GRID1: variants seen among roughly 807,000 people sequenced by gnomAD.
GRID1 encodes glutamate receptor ionotropic, delta-1.
In GRID1, 28 loss-of-function variants were observed where a neutral mutation model predicts 98.0. That is an observed-to-expected ratio of 0.29 (90% CI 0.21 to 0.39). The LOEUF is 0.39. GRID1 is among the 10% of genes least tolerant of loss of function. The pLI is 1.00. For missense variants in GRID1, 1,111 were observed against 1,340.5 expected (o/e 0.83, Z 2.67); for synonymous variants, 553 against 538.5 (o/e 1.03, Z -0.37).
At chr10:85,662,143 A>G (rs1488451539) in intron 12 of GRID1, among the ~76,000 whole-genome samples, 1 of 152,218 alleles carries the variant, frequency 6.6e-6, no homozygotes, top group East Asian at 1.9e-4. Context: ...AGAGTCACTC[A>G]GCAGATGTTG....
At chr10:85,964,671 C>A (rs1842314267) in intron 4 of GRID1, among the ~76,000 whole-genome samples, 1 of 152,060 alleles carries the variant, frequency 6.6e-6, no homozygotes, top group African/African-American at 2.4e-5. Context: ...AATATTAGAC[C>A]TAAAACCATA....
chr10:85,609,742 A>T (rs559390714), intron 15 of GRID1, among the ~76,000 whole-genome samples: 1 of 152,012 alleles, frequency 6.6e-6, no homozygotes, highest in Admixed American at 6.5e-5. Flanking sequence ...AGAATTCCAA[A>T]CTCTGAGCCC....
At chr10:85,747,136 G>A (rs142935268) in intron 8 of GRID1, among the ~76,000 whole-genome samples, 5 of 152,158 alleles carry the variant, frequency 3.3e-5, no homozygotes, top group East Asian at 1.9e-4. Context: ...GGCTCAGAAC[G>A]GTTAGGTGAT....
At chr10:85,745,718 A>C (rs939154626) in intron 8 of GRID1, among the ~76,000 whole-genome samples, 3 of 140,104 alleles carry the variant, frequency 2.1e-5, no homozygotes, top group Non-Finnish European at 4.6e-5. Context: ...AACTTAAAGT[A>C]TAATTAAAAA....
intron 2 of GRID1, among the ~76,000 whole-genome samples, chr10:86,333,722 A>T (rs1287686771): frequency 6.6e-6 from 1 of 152,252 alleles, no homozygotes; most frequent in Non-Finnish European, 1.5e-5. Context: ...ACAATAAACT[A>T]GAGAAAAGAA....
intron 4 of GRID1, among the ~76,000 whole-genome samples, chr10:86,044,952 C>T (rs1843401189): frequency 6.6e-6 from 1 of 152,204 alleles, no homozygotes. Flanking sequence ...AAACTCATTG[C>T]ATATTCATTC....
At chr10:86,099,333 A>G (rs1844262314) in intron 4 of GRID1, among the ~76,000 whole-genome samples, 2 of 152,222 alleles carry the variant, frequency 1.3e-5, no homozygotes, top group Admixed American at 1.3e-4. Context: ...ACACATGCAG[A>G]TGCTGTTGGG....
At chr10:85,711,450 G>A (rs1316487048) in intron 12 of GRID1, among the ~76,000 whole-genome samples, 6 of 151,890 alleles carry the variant, frequency 4.0e-5, no homozygotes, top group Non-Finnish European at 8.9e-5. Context: ...ACAGAAAATA[G>A]AATGGTGGTT....
At chr10:86,235,323 G>A (rs1223006760) in intron 2 of GRID1, among the ~76,000 whole-genome samples, 1 of 152,204 alleles carries the variant, frequency 6.6e-6, no homozygotes, top group Non-Finnish European at 1.5e-5. Flanking sequence ...CCTGGAGAAG[G>A]CTGGTCTTGC....
intron 2 of GRID1, among the ~76,000 whole-genome samples, chr10:86,272,237 C>T (rs915777790): frequency 1.3e-5 from 2 of 152,192 alleles, no homozygotes; most frequent in Non-Finnish European, 2.9e-5. Flanking sequence ...AAGTTCTAAT[C>T]TTCCTACAGA....
intron 4 of GRID1, among the ~76,000 whole-genome samples, chr10:86,078,757 C>A (rs1365756949): frequency 6.6e-6 from 1 of 152,224 alleles, no homozygotes; most frequent in East Asian, 1.9e-4. Context: ...TGTCTGGCCC[C>A]AGCCTTCTCC....
At chr10:85,958,045 C>T (rs1241493479) in intron 4 of GRID1, among the ~76,000 whole-genome samples, 2 of 152,200 alleles carry the variant, frequency 1.3e-5, no homozygotes, top group Non-Finnish European at 2.9e-5. Context: ...ATGGCAAAAC[C>T]CAGCAAGTGG....
In GRID1 at chr10:86,084,794, T is replaced by C. The variant is rs148719938; in HGVS notation, c.726+54025A>G. ...AAGCCGCTCACAACAGAATACTGTA[T>C]GATCTCACTTACATGAGTTATGTAG... is the stretch of plus-strand genomic sequence containing the variant. On this transcript the variant is annotated intron_variant, in intron 4 of 15. Coordinates refer to ENST00000327946, the MANE Select transcript of GRID1 (RefSeq NM_017551.3). Among the ~76,000 whole-genome samples, 139 of 152,266 alleles carry C rather than the reference T, an allele frequency of 9.1e-4. 1 individual carries two copies. The highest frequency in any genetic ancestry group is 2.8e-3 in the African/African-American group (117 of 41,548).
intron 15 of GRID1, among the ~76,000 whole-genome samples, chr10:85,610,002 T>C (rs568672234): frequency 1.3e-5 from 2 of 152,326 alleles, no homozygotes; most frequent in Admixed American, 1.3e-4. Context: ...AGCACATTAC[T>C]ACTCTTCTTC....
chr10:85,755,725 G>T (rs552384097), intron 8 of GRID1, among the ~76,000 whole-genome samples: 1 of 152,138 alleles, frequency 6.6e-6, no homozygotes, highest in Non-Finnish European at 1.5e-5. Context: ...GGGGCCATAA[G>T]CACACGTGTT....
At position 85,613,106 on chromosome 10, in the gene GRID1, G is replaced by T; in HGVS notation, c.2601+301C>A. On this transcript the variant is annotated intron_variant, in intron 15 of 15. Coordinates refer to ENST00000327946, the MANE Select transcript of GRID1 (RefSeq NM_017551.3). ...GGTGGAGGCACATGGGCGGGGCAGG[G>T]TAGGGAAGGGCTCTCTGGCGCTGCC... The T allele has an allele frequency of 7.5e-6, 3 of 397,964 alleles. No individual in the cohort carries two copies. In the East Asian group the frequency reaches 1.4e-4, roughly 19 times the overall value. The allele number at this position is 397,964 out of a possible 1,614,324, so 24.7% of individuals were successfully genotyped here.
chr10:86,204,686 C>A (rs1380183346), intron 3 of GRID1, among the ~76,000 whole-genome samples: 1 of 152,202 alleles, frequency 6.6e-6, no homozygotes, highest in Non-Finnish European at 1.5e-5. Context: ...GCTGAGGCTC[C>A]CATCAAGGTC....
chr10:86,116,705 C>T (rs76565968), intron 4 of GRID1, among the ~76,000 whole-genome samples: 4 of 152,144 alleles, frequency 2.6e-5, no homozygotes, highest in East Asian at 3.9e-4. Context: ...CAAATGCCCC[C>T]CACCACCACC....
chr10:86,339,291 G>A (rs1848275692), intron 2 of GRID1, among the ~76,000 whole-genome samples: 1 of 152,206 alleles, frequency 6.6e-6, no homozygotes, highest in East Asian at 1.9e-4. Flanking sequence ...GGAGGAGGAG[G>A]TATGGGGTGA....
Sources: allele counts gnomAD v4.1 joint callset (sites outside exome capture counted in the v4.1 genomes callset), GRCh38; gene constraint gnomAD v4.1.1; transcripts MANE v1.5; gene names NCBI Gene and HGNC (gene_info 2026-07-23, HGNC 2026-07-21).